OXSR1: variants seen among roughly 807,000 people sequenced by gnomAD.
OXSR1 encodes the protein serine/threonine-protein kinase OSR1.
In OXSR1, 24 loss-of-function variants were observed where a neutral mutation model predicts 79.8. The ratio of observed to expected loss-of-function variants is 0.30; its 90% CI spans 0.22 to 0.42. The LOEUF is 0.42. Among genes scored for constraint, OXSR1 ranks in the 10% least tolerant of loss-of-function variants. The probability of loss-of-function intolerance (pLI) is 1.00; values close to 1 mark genes in which losing one functional copy is unlikely to be tolerated. For synonymous variants in OXSR1, 226 were observed against 209.2 expected (o/e 1.08, Z -0.69); for missense variants, 430 against 618.4 (o/e 0.70, Z 3.23).
intron 3 of OXSR1, among the ~76,000 whole-genome samples, chr3:38,191,423 C>T (rs1270306809): frequency 6.6e-6 from 1 of 151,890 alleles, no homozygotes. Context: ...ATGATGTAAA[C>T]TTACTGAAGA....
At chr3:38,175,035 T>C (rs942593831) in intron 1 of OXSR1, among the ~76,000 whole-genome samples, 2 of 152,238 alleles carry the variant, frequency 1.3e-5, no homozygotes, top group African/African-American at 2.4e-5. Context: ...CAAGAGACCT[T>C]ATTTAGAAAA....
chr3:38,242,596 A>G, intron 11 of OXSR1, 147 bp from the exon 12 acceptor site: 1 of 467,558 alleles, frequency 2.1e-6, no homozygotes, highest in East Asian at 3.3e-5. Context: ...TTTTTTCCAG[A>G]AAACTTTCAG....
At chr3:38,191,289 C>CGA (rs1433700221) in intron 3 of OXSR1, among the ~76,000 whole-genome samples, 3 of 151,590 alleles carry the variant, frequency 2.0e-5, no homozygotes, top group Non-Finnish European at 4.4e-5. Context: ...CATGTCTTAA[C>CGA]TCCTGTCTTC....
In OXSR1 at chr3:38,229,714, C is replaced by T. The variant is rs773609974; in HGVS notation, c.864C>T (p.His288=). 5.0e-6 allele frequency: 8 copies of T among 1,611,570 alleles called. No homozygotes were observed. In the Admixed American group the frequency reaches 1.0e-4, roughly 20 times the overall value. The change falls in exon 9 of 18, where the codon CAC becomes CAT. Residue 288 remains histidine, a synonymous_variant. Transcript: ENST00000311806. ...CAACAGCAGCAGAACTATTAAGGCA[C>T]AAATTTTTCCAGAAAGCAAAGGTAG... ...KRPTAAELLR[H]KFFQKAKNKE... is the part of the protein sequence containing the mutation.
intron 4 of OXSR1, among the ~76,000 whole-genome samples, chr3:38,201,680 A>G (rs1001284893): frequency 6.6e-6 from 1 of 151,460 alleles, no homozygotes; most frequent in Non-Finnish European, 1.5e-5. Context: ...ACTGCACTCC[A>G]GCTTAGGCGA....
At chr3:38,212,276 G>A (rs1220287325) in intron 4 of OXSR1, among the ~76,000 whole-genome samples, 1 of 152,140 alleles carries the variant, frequency 6.6e-6, no homozygotes, top group Admixed American at 6.5e-5. Context: ...GCTACTTCTC[G>A]TATCTTCAAA....
At chr3:38,226,769 G>T (rs1034970872) in intron 8 of OXSR1, among the ~76,000 whole-genome samples, 1 of 151,874 alleles carries the variant, frequency 6.6e-6, no homozygotes, top group Non-Finnish European at 1.5e-5. Context: ...GAGAGACTAA[G>T]AAACTGTCAC....
rs974723559 is a variant in OXSR1, at chr3:38,246,141, C to T, written c.1177C>T (p.Pro393Ser). 1 of 1,613,786 alleles carries T rather than the reference C, an allele frequency of 6.2e-7. No individual in the cohort carries two copies. Among genetic ancestry groups the T allele is most frequent in the South Asian group, 1.1e-5 (1 of 91,076 alleles). The change falls in exon 13 of 18, where the codon CCT (proline) becomes TCT (serine). Residue 393 changes from proline (P) to serine (S), a missense_variant. Physicochemically the swap from Pro to Ser is moderately conservative, Grantham distance 74. Coordinates refer to ENST00000311806, the MANE Select transcript of OXSR1 (RefSeq NM_005109.3). ...QVPEQISAHLPQPAGQIATQP... is the reference protein window; with the variant it reads ...QVPEQISAHLSQPAGQIATQP... ...TCCAGAACAGATCTCTGCTCATCTA[C>T]CTCAGCCAGCTGGGCAGATTGCTAC... is the stretch of plus-strand genomic sequence containing the variant.
chr3:38,182,295 A>G (rs534258851), intron 1 of OXSR1, among the ~76,000 whole-genome samples: 1 of 152,256 alleles, frequency 6.6e-6, no homozygotes, highest in African/African-American at 2.4e-5. Context: ...CGTGTGGGGT[A>G]GACACCTGGC....
intron 1 of OXSR1, among the ~76,000 whole-genome samples, chr3:38,170,479 T>G (rs1431270905): frequency 1.3e-5 from 2 of 152,194 alleles, no homozygotes; most frequent in African/African-American, 4.8e-5. Flanking sequence ...TTGTGAAGAT[T>G]TTTTTTTCCT....
At position 38,180,696 on chromosome 3, in the gene OXSR1, AATT is replaced by A. The variant is rs200930795; in HGVS notation, c.71-2303_71-2301del. 7.5e-3 allele frequency among the ~76,000 whole-genome samples: 1,131 copies of A among 151,660 alleles called. 20 individuals carry two copies. Among genetic ancestry groups the A allele is most frequent in the African/African-American group, 0.026 (1,087 of 41,306 alleles). Reference sequence around the variant, plus strand: ...TAAGTGCACACCACCACGCCCAGCTAATTATTTTTGTATTTTTTGTAGAGACAG... The same window carrying A: ...TAAGTGCACACCACCACGCCCAGCTAATTTTTGTATTTTTTGTAGAGACAG... On this transcript the variant is annotated intron_variant, in intron 1 of 17. Transcript: ENST00000311806.
At chr3:38,165,324 T>G (rs1367862255), upstream of OXSR1, 1 of 153,598 alleles carries the variant, frequency 6.5e-6, no homozygotes, top group Non-Finnish European at 1.5e-5. Flanking sequence ...TACTTGAGGC[T>G]CTCCTACGGC....
At chr3:38,239,319 T>TTAGA (rs1455225408) in intron 11 of OXSR1, among the ~76,000 whole-genome samples, 2 of 152,182 alleles carry the variant, frequency 1.3e-5, no homozygotes, top group African/African-American at 4.8e-5. Flanking sequence ...ATGCCAAACA[T>TTAGA]TGTAATTTTC....
chr3:38,223,534 C>T (rs1363549952), intron 6 of OXSR1, among the ~76,000 whole-genome samples: 1 of 151,682 alleles, frequency 6.6e-6, no homozygotes, highest in Non-Finnish European at 1.5e-5. Flanking sequence ...CCTCTACCTC[C>T]TGGGTTCAAG....
At chr3:38,217,300 T>C (rs1321152026) in intron 5 of OXSR1, among the ~76,000 whole-genome samples, 1 of 152,142 alleles carries the variant, frequency 6.6e-6, no homozygotes, top group African/African-American at 2.4e-5. Flanking sequence ...AGGAAAAAAA[T>C]CTCATTTCTG....
At chr3:38,203,707 G>A (rs556035995) in intron 4 of OXSR1, among the ~76,000 whole-genome samples, 4 of 152,048 alleles carry the variant, frequency 2.6e-5, no homozygotes, top group Admixed American at 6.5e-5. Context: ...GTCTCTGGGC[G>A]GAGCTGTCTG....
intron 4 of OXSR1, among the ~76,000 whole-genome samples, chr3:38,214,352 A>G (rs981592204): frequency 2.6e-5 from 4 of 152,162 alleles, no homozygotes; most frequent in Admixed American, 6.6e-5. Flanking sequence ...CTATAGTAGT[A>G]TATTAAGATA....
chr3:38,223,017 TCA>T (rs1322567507), intron 6 of OXSR1, among the ~76,000 whole-genome samples: 3 of 152,242 alleles, frequency 2.0e-5, no homozygotes, highest in Non-Finnish European at 2.9e-5. Flanking sequence ...TGGTGAACAT[TCA>T]GTTTGTGTCT....
intron 15 of OXSR1, 88 bp from the exon 16 acceptor site, chr3:38,251,315 A>C: frequency 9.4e-7 from 1 of 1,068,952 alleles, no homozygotes; most frequent in Non-Finnish European, 1.5e-6. Context: ...TGGGCCTAGC[A>C]TGGCACACTG....
Sources: gnomAD v4.1 joint callset for allele counts (sites outside exome capture counted in the v4.1 genomes callset) on GRCh38, gnomAD v4.1.1 for gene constraint, MANE v1.5 for transcripts, NCBI Gene and HGNC (gene_info 2026-07-23, HGNC 2026-07-21) for gene names.